The following OR1J2 variants were observed in gnomAD, a reference collection of about 807,000 sequenced individuals.
The protein encoded by OR1J2 is olfactory receptor family 1 subfamily J member 2.
For synonymous variants in OR1J2, 142 were observed against 99.7 expected (o/e 1.42, Z -2.52); for missense variants, 304 against 246.1 (o/e 1.24, Z -1.57).
downstream of OR1J2, among the ~76,000 whole-genome samples, chr9:122,514,348 G>C (rs980100748): frequency 6.6e-6 from 1 of 152,062 alleles, no homozygotes; most frequent in Non-Finnish European, 1.5e-5. Context: ...CTAATGTTTA[G>C]CTCCCACTTA....
the OR1J2 span, among the ~76,000 whole-genome samples, chr9:122,557,252 A>G: frequency 5.5e-4 from 84 of 152,242 alleles, no homozygotes; most frequent in African/African-American, 1.9e-3. Flanking sequence ...GACTTTCAGT[A>G]TGATATTCAA....
chr9:122,449,486 C>T, the OR1J2 span, among the ~76,000 whole-genome samples: 1 of 152,282 alleles, frequency 6.6e-6, no homozygotes, highest in South Asian at 2.1e-4. Context: ...TCTCCTGCCT[C>T]AGCCTCCCGA....
the OR1J2 span, among the ~76,000 whole-genome samples, chr9:122,500,217 T>C: frequency 6.6e-6 from 1 of 152,168 alleles, no homozygotes; most frequent in Non-Finnish European, 1.5e-5. Flanking sequence ...TGTGTTTTCC[T>C]CACAGTGTCT....
At chr9:122,507,523 A>T (rs971602994), upstream of OR1J2, among the ~76,000 whole-genome samples, 1 of 152,160 alleles carries the variant, frequency 6.6e-6, no homozygotes, top group African/African-American at 2.4e-5. Context: ...TGTGAGAACG[A>T]GCCTCTCTCC....
chr9:122,569,540 T>G, the OR1J2 span, among the ~76,000 whole-genome samples: 8 of 152,126 alleles, frequency 5.3e-5, no homozygotes, highest in South Asian at 2.1e-4. Context: ...ACCTTGTGAA[T>G]AGGCATATTA....
At chr9:122,565,200 G>A in the OR1J2 span, among the ~76,000 whole-genome samples, 5 of 152,288 alleles carry the variant, frequency 3.3e-5, no homozygotes, top group South Asian at 6.2e-4. Context: ...GGTGATCAGG[G>A]ATTTGGAAGC....
the OR1J2 span, among the ~76,000 whole-genome samples, chr9:122,469,315 A>G: frequency 1.3e-5 from 2 of 152,168 alleles, no homozygotes; most frequent in Non-Finnish European, 2.9e-5. Flanking sequence ...TTTCCCCCAT[A>G]CCGTTCTCAT....
At chr9:122,522,842 G>A in the OR1J2 span, among the ~76,000 whole-genome samples, 2 of 152,154 alleles carry the variant, frequency 1.3e-5, no homozygotes. Flanking sequence ...GGTAAACTAA[G>A]AAATATGCAA....
At chr9:122,554,073 C>G in the OR1J2 span, 40 of 1,613,032 alleles carry the variant, frequency 2.5e-5, no homozygotes, top group Non-Finnish European at 3.1e-5. Flanking sequence ...TATTCCCACG[C>G]TAAACCCATT....
At chr9:122,494,256 C>A in the OR1J2 span, among the ~76,000 whole-genome samples, 27 of 152,108 alleles carry the variant, frequency 1.8e-4, no homozygotes, top group Non-Finnish European at 2.8e-4. Flanking sequence ...GTCTTGATAA[C>A]CTGTCTAGTG....
the OR1J2 span, chr9:122,568,595 T>G: frequency 5.8e-5 from 37 of 635,802 alleles, no homozygotes; most frequent in African/African-American, 6.6e-4. Flanking sequence ...AATTAGCTAC[T>G]GTGCTAATTG....
the OR1J2 span, among the ~76,000 whole-genome samples, chr9:122,491,075 C>T: frequency 2.0e-5 from 3 of 151,986 alleles, no homozygotes; most frequent in East Asian, 3.9e-4. Flanking sequence ...TTTAAGTCTC[C>T]GTAGTCAGAA....
the OR1J2 span, among the ~76,000 whole-genome samples, chr9:122,570,572 ATT>A: frequency 1.3e-5 from 2 of 152,250 alleles, no homozygotes; most frequent in Non-Finnish European, 2.9e-5. Context: ...GAGATAAAGC[ATT>A]TGAAAGACTT....
At chr9:122,461,881 T>G in the OR1J2 span, among the ~76,000 whole-genome samples, 1 of 152,204 alleles carries the variant, frequency 6.6e-6, no homozygotes, top group African/African-American at 2.4e-5. Context: ...ATGAATAGAA[T>G]ATATATTCTG....
chr9:122,477,073 A>G, the OR1J2 span: 5 of 1,614,022 alleles, frequency 3.1e-6, no homozygotes, highest in East Asian at 8.9e-5. Context: ...GAATGGGTTC[A>G]ACATGGGAGT....
At chr9:122,459,903 A>T in the OR1J2 span, among the ~76,000 whole-genome samples, 1 of 152,136 alleles carries the variant, frequency 6.6e-6, no homozygotes, top group Non-Finnish European at 1.5e-5. Flanking sequence ...TGCAAAAATA[A>T]TTGCGGGTTT....
chr9:122,549,933 T>G, the OR1J2 span, among the ~76,000 whole-genome samples: 1 of 152,300 alleles, frequency 6.6e-6, no homozygotes, highest in East Asian at 1.9e-4. Flanking sequence ...GCATTGAATC[T>G]ATAGATTGCT....
the OR1J2 span, among the ~76,000 whole-genome samples, chr9:122,561,653 C>T: frequency 2.0e-5 from 3 of 152,112 alleles, no homozygotes; most frequent in East Asian, 1.9e-4. Flanking sequence ...TGGTTCACTC[C>T]TGCACCTGGA....
upstream of OR1J2, among the ~76,000 whole-genome samples, chr9:122,509,352 A>G (rs1470885321): frequency 6.6e-6 from 1 of 152,214 alleles, no homozygotes; most frequent in Non-Finnish European, 1.5e-5. Context: ...ATCTTTTGAT[A>G]ATAGCCTTCA....
Sources: gnomAD v4.1 joint callset for allele counts (sites outside exome capture counted in the v4.1 genomes callset) on GRCh38, gnomAD v4.1.1 for gene constraint, MANE v1.5 for transcripts, NCBI Gene and HGNC (gene_info 2026-07-23, HGNC 2026-07-21) for gene names.